HMGA2: variants seen among roughly 807,000 people sequenced by gnomAD.
HMGA2 encodes the protein high mobility group protein HMGI-C.
A neutral mutation model predicts 19.1 loss-of-function variants in HMGA2; 8 were observed. The ratio of observed to expected loss-of-function variants is 0.42; its 90% CI spans 0.25 to 0.76. HMGA2 has a LOEUF of 0.76. Among genes scored for constraint, HMGA2 ranks in the 30% least tolerant of loss-of-function variants. The pLI is 0.28. For missense variants in HMGA2, 109 were observed against 136.3 expected (o/e 0.80, Z 1.00); for synonymous variants, 60 against 48.8 (o/e 1.23, Z -0.96).
chr12:65,910,256 C>T (rs1172059653), intron 3 of HMGA2, among the ~76,000 whole-genome samples: 2 of 152,196 alleles, frequency 1.3e-5, no homozygotes, highest in Admixed American at 6.5e-5. Context: ...TCTCTTAATT[C>T]AGTCATTGCC....
chr12:65,892,525 CT>C (rs1430518968), intron 3 of HMGA2, among the ~76,000 whole-genome samples: 5 of 152,004 alleles, frequency 3.3e-5, no homozygotes, highest in Non-Finnish European at 5.9e-5. Context: ...TTTGTCTTTT[CT>C]TTTTTTGCCT....
chr12:65,837,469 T>A (rs1344689003), intron 2 of HMGA2, among the ~76,000 whole-genome samples: 1 of 152,204 alleles, frequency 6.6e-6, no homozygotes, highest in Non-Finnish European at 1.5e-5. Context: ...CTAACTCAGA[T>A]AACAAAAGTA....
At chr12:65,948,403 G>T (rs1276324348) in intron 3 of HMGA2, 1 of 152,288 alleles carries the variant, frequency 6.6e-6, no homozygotes, top group Non-Finnish European at 1.5e-5. Context: ...GTTCTGAGCC[G>T]AGAGATGCCC....
chr12:65,897,319 G>T (rs1269263692), intron 3 of HMGA2, among the ~76,000 whole-genome samples: 1 of 151,898 alleles, frequency 6.6e-6, no homozygotes, highest in Non-Finnish European at 1.5e-5. Flanking sequence ...CTGTTTTTTT[G>T]ATGAAAAGAA....
chr12:65,899,918 A>G (rs144971704), intron 3 of HMGA2, among the ~76,000 whole-genome samples: 288 of 152,300 alleles, frequency 1.9e-3, no homozygotes, highest in Non-Finnish European at 3.5e-3. Flanking sequence ...TCTACTATTC[A>G]AGTTAGACAC....
At chr12:65,833,110 G>C (rs1201928542) in intron 2 of HMGA2, among the ~76,000 whole-genome samples, 1 of 152,000 alleles carries the variant, frequency 6.6e-6, no homozygotes, top group Admixed American at 6.5e-5. Context: ...TTTTCTATTG[G>C]AAAATATATT....
At chr12:65,944,203 T>C (rs891731528) in intron 3 of HMGA2, among the ~76,000 whole-genome samples, 1 of 152,198 alleles carries the variant, frequency 6.6e-6, no homozygotes, top group Non-Finnish European at 1.5e-5. Flanking sequence ...CAAACTGAAC[T>C]CCCCTATATC....
At chr12:65,915,341 C>T in intron 3 of HMGA2, 1 of 1,361,424 alleles carries the variant, frequency 7.3e-7, no homozygotes, top group South Asian at 1.5e-5. Flanking sequence ...CCCCATATGG[C>T]ACCCTTGTAC....
intron 3 of HMGA2, among the ~76,000 whole-genome samples, chr12:65,903,416 G>A (rs951238034): frequency 6.6e-6 from 1 of 152,160 alleles, no homozygotes; most frequent in African/African-American, 2.4e-5. Flanking sequence ...CAGACTATTA[G>A]GAAACTTTGG....
chr12:65,903,677 A>G (rs1473727955), intron 3 of HMGA2, among the ~76,000 whole-genome samples: 2 of 152,192 alleles, frequency 1.3e-5, no homozygotes, highest in African/African-American at 4.8e-5. Flanking sequence ...CAGGCGTGTC[A>G]AACACTGTAT....
At chr12:65,862,080 G>A (rs1002550195) in intron 3 of HMGA2, among the ~76,000 whole-genome samples, 1 of 151,914 alleles carries the variant, frequency 6.6e-6, no homozygotes, top group African/African-American at 2.4e-5. Flanking sequence ...TCTGACCTCA[G>A]GTGATCCACC....
intron 3 of HMGA2, among the ~76,000 whole-genome samples, chr12:65,941,395 T>G (rs753928164): frequency 2.0e-5 from 3 of 152,204 alleles, no homozygotes; most frequent in African/African-American, 4.8e-5. Context: ...ACTTCACAAC[T>G]GTTTAAAAAC....
Position 65,828,067 on chromosome 12 carries a change from C to G in HMGA2, c.178C>G (p.Pro60Ala). The change falls in exon 2 of 5, where the codon CCC (proline) becomes GCC (alanine). Residue 60 changes from proline (P) to alanine (A), a missense_variant. Transcript: ENST00000403681. ...GRPKGSKNKS[P>A]SKAAQKKAEA... ...ACCCAAAGGCAGCAAAAACAAGAGT[C>G]CCTCTAAAGCAGCTCAAAAGGTGAG... 6.2e-7 allele frequency: 1 copy of G among 1,613,316 alleles called. No homozygotes were observed. Among genetic ancestry groups the G allele is most frequent in the Non-Finnish European group, 8.5e-7 (1 of 1,179,342 alleles).
At chr12:65,922,601 G>A (rs547201167) in intron 3 of HMGA2, among the ~76,000 whole-genome samples, 7 of 152,318 alleles carry the variant, frequency 4.6e-5, no homozygotes, top group South Asian at 2.1e-4. Context: ...ACTTTGGACT[G>A]TGAATTTTTG....
intron 2 of HMGA2, among the ~76,000 whole-genome samples, chr12:65,836,356 C>A (rs570074363): frequency 7.2e-6 from 1 of 138,120 alleles, no homozygotes; most frequent in East Asian, 2.1e-4. Flanking sequence ...GAGACTCCGT[C>A]TCAAAAAGAA....
chr12:65,920,700 C>G (rs971486581), intron 3 of HMGA2, among the ~76,000 whole-genome samples: 3 of 152,168 alleles, frequency 2.0e-5, no homozygotes, highest in African/African-American at 7.2e-5. Context: ...TAAGAAGTGC[C>G]GTTCGCCTCC....
chr12:65,933,238 A>G (rs550510582), intron 3 of HMGA2, among the ~76,000 whole-genome samples: 1 of 152,278 alleles, frequency 6.6e-6, no homozygotes, highest in South Asian at 2.1e-4. Flanking sequence ...TGCCAAGAGT[A>G]ACCTGGGGAC....
intron 3 of HMGA2, among the ~76,000 whole-genome samples, chr12:65,895,167 G>A (rs1363962305): frequency 6.6e-6 from 1 of 152,114 alleles, no homozygotes; most frequent in African/African-American, 2.4e-5. Flanking sequence ...CTAGGAGAAA[G>A]GGGAGGAAAA....
chr12:65,869,447 C>G (rs1192563383), intron 3 of HMGA2, among the ~76,000 whole-genome samples: 1 of 152,148 alleles, frequency 6.6e-6, no homozygotes, highest in Non-Finnish European at 1.5e-5. Flanking sequence ...CTCTTGCTAC[C>G]TGCTGAAGTT....
Sources: gnomAD v4.1 joint callset for allele counts (sites outside exome capture counted in the v4.1 genomes callset) on GRCh38, gnomAD v4.1.1 for gene constraint, MANE v1.5 for transcripts, NCBI Gene and HGNC (gene_info 2026-07-23, HGNC 2026-07-21) for gene names.